The following LOC128092252 variants were observed in gnomAD, a reference collection of about 807,000 sequenced individuals.
the LOC128092252 span, among the ~76,000 whole-genome samples, chr15:50,649,163 C>T: frequency 7.2e-5 from 11 of 151,974 alleles, no homozygotes; most frequent in African/African-American, 2.4e-4. Context: ...GTATTTACAC[C>T]GGCTGTGGCT....
At chr15:50,670,371 G>C in the LOC128092252 span, among the ~76,000 whole-genome samples, 1 of 152,116 alleles carries the variant, frequency 6.6e-6, no homozygotes, top group Non-Finnish European at 1.5e-5. Flanking sequence ...TGAGATGGGA[G>C]TCCAACATAA....
At chr15:50,673,249 A>G in the LOC128092252 span, among the ~76,000 whole-genome samples, 1 of 152,102 alleles carries the variant, frequency 6.6e-6, no homozygotes, top group South Asian at 2.1e-4. Flanking sequence ...TTATACACCT[A>G]TACTATTTTT....
chr15:50,677,642 G>C, the LOC128092252 span, among the ~76,000 whole-genome samples: 3 of 150,408 alleles, frequency 2.0e-5, no homozygotes, highest in Admixed American at 2.0e-4. Flanking sequence ...AGGAGGCTGA[G>C]GCAGAAGAAT....
the LOC128092252 span, among the ~76,000 whole-genome samples, chr15:50,672,524 C>G: frequency 3.7e-4 from 57 of 152,216 alleles, no homozygotes; most frequent in Non-Finnish European, 7.8e-4. Context: ...TACTGATGAT[C>G]CTGACCCCGT....
At chr15:50,669,168 G>A in the LOC128092252 span, among the ~76,000 whole-genome samples, 4 of 152,124 alleles carry the variant, frequency 2.6e-5, no homozygotes, top group South Asian at 2.1e-4. Context: ...ATGGCTGAGC[G>A]TGGTGGCTCA....
the LOC128092252 span, among the ~76,000 whole-genome samples, chr15:50,678,527 T>A: frequency 7.8e-4 from 109 of 139,848 alleles, no homozygotes; most frequent in Middle Eastern, 7.1e-3. Context: ...AATATATATA[T>A]ATATATATAT....
chr15:50,660,390 C>T, the LOC128092252 span, among the ~76,000 whole-genome samples: 9 of 151,924 alleles, frequency 5.9e-5, no homozygotes, highest in African/African-American at 2.2e-4. Flanking sequence ...TAAATGTATA[C>T]CAGGCACGGT....
the LOC128092252 span, among the ~76,000 whole-genome samples, chr15:50,673,139 A>G: frequency 6.6e-6 from 1 of 152,058 alleles, no homozygotes; most frequent in Non-Finnish European, 1.5e-5. Flanking sequence ...TCAAGTCTAC[A>G]TAAGTGTAAT....
the LOC128092252 span, among the ~76,000 whole-genome samples, chr15:50,679,538 ATTTT>A: frequency 0.013 from 556 of 43,882 alleles, 9 homozygotes; most frequent in East Asian, 0.03. Context: ...ATATATATAT[ATTTT>A]TTTTTTTTTT....
At chr15:50,672,136 G>C in the LOC128092252 span, among the ~76,000 whole-genome samples, 1 of 151,976 alleles carries the variant, frequency 6.6e-6, no homozygotes, top group Non-Finnish European at 1.5e-5. Flanking sequence ...CTCACTGCAA[G>C]CTCATCTCCC....
the LOC128092252 span, among the ~76,000 whole-genome samples, chr15:50,679,530 A>AATATATATGTG: frequency 2.2e-5 from 1 of 44,852 alleles, no homozygotes; most frequent in Non-Finnish European, 4.1e-5. Flanking sequence ...ATATATATAT[A>AATATATATGTG]TATATATATT....
the LOC128092252 span, among the ~76,000 whole-genome samples, chr15:50,661,409 TTAA>T: frequency 2.0e-5 from 3 of 152,196 alleles, no homozygotes; most frequent in African/African-American, 4.8e-5. Flanking sequence ...CCAAATGTTA[TTAA>T]TAATGACAGT....
At chr15:50,678,541 T>TATAC in the LOC128092252 span, among the ~76,000 whole-genome samples, 4 of 136,540 alleles carry the variant, frequency 2.9e-5, no homozygotes, top group Non-Finnish European at 6.1e-5. Context: ...TATATATATA[T>TATAC]ACACACACAC....
At chr15:50,685,099 G>A in the LOC128092252 span, among the ~76,000 whole-genome samples, 20 of 152,202 alleles carry the variant, frequency 1.3e-4, no homozygotes, top group South Asian at 2.1e-4. Context: ...AATTCACATG[G>A]TTGAAGCTGT....
chr15:50,677,749 AAAAAAAAAAAAC>A, the LOC128092252 span, among the ~76,000 whole-genome samples: 6 of 148,316 alleles, frequency 4.0e-5, no homozygotes, highest in African/African-American at 1.2e-4. Flanking sequence ...AAAAAAAAAA[AAAAAAAAAAAAC>A]AAAAGGTAAC....
chr15:50,675,695 A>T, the LOC128092252 span, among the ~76,000 whole-genome samples: 28 of 152,234 alleles, frequency 1.8e-4, no homozygotes, highest in Non-Finnish European at 3.1e-4. Flanking sequence ...TTTGCTTTTT[A>T]ATTTTGCTAG....
the LOC128092252 span, among the ~76,000 whole-genome samples, chr15:50,662,080 C>A: frequency 6.6e-6 from 1 of 151,668 alleles, no homozygotes; most frequent in East Asian, 1.9e-4. Flanking sequence ...TAGGGCTGGG[C>A]GCGGTGGCTC....
the LOC128092252 span, among the ~76,000 whole-genome samples, chr15:50,679,885 ATGACT>A: frequency 1.2e-4 from 19 of 152,194 alleles, no homozygotes; most frequent in African/African-American, 4.3e-4. Flanking sequence ...AATCTATTTA[ATGACT>A]TTTCTAATCT....
the LOC128092252 span, among the ~76,000 whole-genome samples, chr15:50,672,999 AAG>A: frequency 2.6e-5 from 4 of 151,824 alleles, no homozygotes; most frequent in Admixed American, 1.3e-4. Flanking sequence ...GTGTTATTAC[AAG>A]AGTCAAAAAG....
Sources: gnomAD v4.1 joint callset for allele counts (sites outside exome capture counted in the v4.1 genomes callset) on GRCh38, gnomAD v4.1.1 for gene constraint, MANE v1.5 for transcripts.